The following TMEM131 variants were observed in gnomAD, a reference collection of about 807,000 sequenced individuals.
The protein encoded by TMEM131 is transmembrane protein 131, also known as 2610524E03Rik.
Under a neutral mutation model 211.6 loss-of-function variants are expected in TMEM131, and 66 were observed. The ratio of observed to expected loss-of-function variants is 0.31; its 90% CI spans 0.26 to 0.38. TMEM131 has a LOEUF of 0.38. Among genes scored for constraint, TMEM131 ranks in the 10% least tolerant of loss-of-function variants. The pLI, the probability that TMEM131 is intolerant of heterozygous loss-of-function variation, is 1.00. For synonymous variants in TMEM131, 844 were observed against 841.3 expected (o/e 1.00, Z -0.06); for missense variants, 2,036 against 2,299.3 (o/e 0.89, Z 2.34).
intron 33 of TMEM131, among the ~76,000 whole-genome samples, chr2:97,768,790 G>A (rs897035101): frequency 8.6e-5 from 13 of 152,026 alleles, no homozygotes; most frequent in Non-Finnish European, 1.9e-4. Context: ...GGGGTTTCAC[G>A]ATGTTGGTGA....
chr2:97,854,466 G>C (rs912740461), intron 5 of TMEM131, among the ~76,000 whole-genome samples: 1 of 152,058 alleles, frequency 6.6e-6, no homozygotes, highest in African/African-American at 2.4e-5. Flanking sequence ...CCTCTTCCAC[G>C]TACCACTCTG....
chr2:97,943,840 T>A (rs1000391427), intron 1 of TMEM131, among the ~76,000 whole-genome samples: 1 of 152,130 alleles, frequency 6.6e-6, no homozygotes, highest in Admixed American at 6.5e-5. Flanking sequence ...TTCCAGCACT[T>A]TGGGAGGCCG....
intron 33 of TMEM131, among the ~76,000 whole-genome samples, chr2:97,767,188 C>CA (rs1325191028): frequency 6.6e-6 from 1 of 151,920 alleles, no homozygotes; most frequent in Non-Finnish European, 1.5e-5. Context: ...TAATCTTAAG[C>CA]AAAAAAATTA....
At chr2:97,918,573 C>T (rs1676607989) in intron 2 of TMEM131, among the ~76,000 whole-genome samples, 2 of 152,038 alleles carry the variant, frequency 1.3e-5, no homozygotes, top group African/African-American at 2.4e-5. Context: ...GGAAATCCCA[C>T]AGACAAATGA....
At position 97,837,039 on chromosome 2, in the gene TMEM131, T is replaced by C. The variant is rs1360864277; in HGVS notation, c.804+38A>G. The C allele has an allele frequency of 3.3e-6, 5 of 1,532,708 alleles. 1 individual carries two copies. The South Asian group carries it at 4.5e-5, about 14-fold the overall frequency. The allele number at this position is 1,532,708 out of a possible 1,614,324, so 94.9% of individuals were successfully genotyped here. On this transcript the variant is annotated intron_variant, in intron 8 of 40. Transcript: ENST00000186436. The stretch of plus-strand genomic sequence containing the variant: ...TCTAATTTAAGAATAATCGGTTTCA[T>C]GGGAGCACACACAAGAGAAAACTAG...
chr2:97,938,593 C>T (rs1677561115), intron 1 of TMEM131, among the ~76,000 whole-genome samples: 2 of 152,058 alleles, frequency 1.3e-5, no homozygotes, highest in South Asian at 2.1e-4. Context: ...ACTTCAACAC[C>T]CCACTGTCAA....
chr2:97,988,716 A>G (rs1680136990), intron 1 of TMEM131, among the ~76,000 whole-genome samples: 1 of 152,204 alleles, frequency 6.6e-6, no homozygotes, highest in Non-Finnish European at 1.5e-5. Context: ...CAATACCACA[A>G]TGAGATAGCA....
chr2:97,954,216 A>T (rs1175046296), intron 1 of TMEM131, among the ~76,000 whole-genome samples: 2 of 152,198 alleles, frequency 1.3e-5, no homozygotes, highest in Non-Finnish European at 2.9e-5. Flanking sequence ...ACAAAAATCA[A>T]TGAAATCAAA....
chr2:97,883,629 T>A (rs1675023276), intron 4 of TMEM131, among the ~76,000 whole-genome samples: 1 of 152,202 alleles, frequency 6.6e-6, no homozygotes, highest in East Asian at 1.9e-4. Flanking sequence ...ATTAGGACTC[T>A]CTCTTGAGGA....
chr2:97,923,831 CGCACTTGGG>C (rs1393657970), intron 2 of TMEM131, among the ~76,000 whole-genome samples: 5 of 151,912 alleles, frequency 3.3e-5, no homozygotes, highest in African/African-American at 1.2e-4. Context: ...GCCTAATCCC[CGCACTTGGG>C]GAGGCTGAGG....
intron 38 of TMEM131, 192 bp downstream of exon 38, chr2:97,760,401 G>A (rs561968964): frequency 6.6e-6 from 4 of 607,392 alleles, no homozygotes; most frequent in Admixed American, 2.9e-5. Flanking sequence ...GACCCCCTGG[G>A]GAAGGCACCG....
chr2:97,893,432 G>A (rs1268156332), intron 3 of TMEM131, among the ~76,000 whole-genome samples: 3 of 152,156 alleles, frequency 2.0e-5, no homozygotes, highest in Non-Finnish European at 4.4e-5. Context: ...GGGTCAAATG[G>A]TATCTCTAGT....
chr2:97,862,756 G>A (rs2105189869), intron 4 of TMEM131, among the ~76,000 whole-genome samples: 1 of 152,190 alleles, frequency 6.6e-6, no homozygotes, highest in South Asian at 2.1e-4. Flanking sequence ...CTCAAAAGGG[G>A]AAATCTAAGA....
intron 11 of TMEM131, among the ~76,000 whole-genome samples, chr2:97,832,951 A>AT (rs1233973489): frequency 4.0e-5 from 6 of 151,724 alleles, no homozygotes; most frequent in East Asian, 1.9e-4. Context: ...TACCTACAAC[A>AT]TTTTTTTTGC....
chr2:97,797,895 T>C (rs1573376676), intron 25 of TMEM131, among the ~76,000 whole-genome samples: 1 of 152,206 alleles, frequency 6.6e-6, no homozygotes, highest in Non-Finnish European at 1.5e-5. Flanking sequence ...AAGCAAACAC[T>C]TGTGGAACCA....
intron 5 of TMEM131, among the ~76,000 whole-genome samples, chr2:97,846,877 C>T (rs924049021): frequency 2.0e-5 from 3 of 152,086 alleles, no homozygotes; most frequent in Non-Finnish European, 4.4e-5. Context: ...AGCTATCTAA[C>T]ACTGTATTGG....
intron 31 of TMEM131, among the ~76,000 whole-genome samples, chr2:97,785,055 C>G (rs1680184382): frequency 6.6e-6 from 1 of 152,168 alleles, no homozygotes; most frequent in Non-Finnish European, 1.5e-5. Flanking sequence ...ACTACTACCA[C>G]AACTCACTGA....
chr2:97,966,564 A>G (rs1241281319), intron 1 of TMEM131, among the ~76,000 whole-genome samples: 1 of 152,160 alleles, frequency 6.6e-6, no homozygotes, highest in African/African-American at 2.4e-5. Flanking sequence ...ATGTTTGTTG[A>G]GCTGACTACA....
intron 1 of TMEM131, among the ~76,000 whole-genome samples, chr2:97,959,879 C>T (rs1678742018): frequency 6.6e-6 from 1 of 152,166 alleles, no homozygotes; most frequent in Admixed American, 6.5e-5. Flanking sequence ...AACAGTCCCC[C>T]TCAAAAGTTT....
Sources: gnomAD v4.1 joint callset for allele counts (sites outside exome capture counted in the v4.1 genomes callset) on GRCh38, gnomAD v4.1.1 for gene constraint, MANE v1.5 for transcripts, NCBI Gene and HGNC (gene_info 2026-07-23, HGNC 2026-07-21) for gene names.